TTC28: variants seen among roughly 807,000 people sequenced by gnomAD.
The protein encoded by TTC28 is tetratricopeptide repeat domain 28.
In TTC28, 61 loss-of-function variants were observed where a neutral mutation model predicts 198.0. The ratio of observed to expected loss-of-function variants is 0.31; its 90% confidence interval spans 0.25 to 0.38. The LOEUF is 0.38. Ranked by LOEUF, TTC28 falls within the 10% of genes least tolerant of loss-of-function variation. The probability of loss-of-function intolerance (pLI) is 1.00; values close to 1 mark genes in which losing one functional copy is unlikely to be tolerated. For synonymous variants in TTC28, 1,171 were observed against 1,297.8 expected (o/e 0.90, Z 2.10); for missense variants, 2,678 against 3,164.0 (o/e 0.85, Z 3.69).
intron 2 of TTC28, among the ~76,000 whole-genome samples, chr22:28,610,514 AAAAC>A (rs1430987911): frequency 5.3e-5 from 8 of 152,196 alleles, no homozygotes; most frequent in African/African-American, 1.2e-4. Context: ...TGTTAGAAGG[AAAAC>A]AAACAGAGAG....
intron 5 of TTC28, among the ~76,000 whole-genome samples, chr22:28,194,323 G>C (rs185476439): frequency 2.0e-5 from 3 of 152,156 alleles, no homozygotes; most frequent in Admixed American, 1.3e-4. Context: ...GCCCACAAGA[G>C]AAAGCAGGAA....
At chr22:28,636,127 A>ATTTTTTTTTT (rs71316851) in intron 1 of TTC28, among the ~76,000 whole-genome samples, 2 of 65,722 alleles carry the variant, frequency 3.0e-5, no homozygotes, top group Non-Finnish European at 5.1e-5. Flanking sequence ...AAATGTCAGG[A>ATTTTTTTTTT]TTTTTTTTTT....
chr22:28,095,230 T>C (rs1347202076), intron 11 of TTC28, among the ~76,000 whole-genome samples: 1 of 152,012 alleles, frequency 6.6e-6, no homozygotes, highest in Non-Finnish European at 1.5e-5. Flanking sequence ...AGGTCAGCGG[T>C]AAGAACATTC....
At chr22:28,331,575 C>T (rs2045617056) in intron 2 of TTC28, among the ~76,000 whole-genome samples, 1 of 152,002 alleles carries the variant, frequency 6.6e-6, no homozygotes, top group Non-Finnish European at 1.5e-5. Flanking sequence ...ATAATCTATC[C>T]ATCAATAAAT....
chr22:28,529,492 T>G (rs948373147), intron 2 of TTC28, among the ~76,000 whole-genome samples: 5 of 152,200 alleles, frequency 3.3e-5, no homozygotes, highest in South Asian at 2.1e-4. Context: ...AGGGCATAGC[T>G]GAACAAAAGG....
intron 1 of TTC28, among the ~76,000 whole-genome samples, chr22:28,663,109 G>C (rs1006335954): frequency 6.6e-6 from 1 of 151,926 alleles, no homozygotes; most frequent in Non-Finnish European, 1.5e-5. Flanking sequence ...TTAGCCAGGC[G>C]TGGTGGCGAA....
At chr22:28,038,138 T>A (rs986924803) in intron 12 of TTC28, among the ~76,000 whole-genome samples, 2 of 152,198 alleles carry the variant, frequency 1.3e-5, no homozygotes, top group African/African-American at 4.8e-5. Context: ...AAGCTACCAA[T>A]GACTTTCTTC....
At chr22:28,411,176 C>T (rs2047075647) in intron 2 of TTC28, among the ~76,000 whole-genome samples, 1 of 152,156 alleles carries the variant, frequency 6.6e-6, no homozygotes, top group Non-Finnish European at 1.5e-5. Flanking sequence ...AGAACGAATT[C>T]TTCTAATAGG....
At chr22:28,011,455 G>A (rs762529138) in intron 14 of TTC28, among the ~76,000 whole-genome samples, 1 of 152,132 alleles carries the variant, frequency 6.6e-6, no homozygotes, top group Non-Finnish European at 1.5e-5. Flanking sequence ...AATTAGCTGG[G>A]TGTGGTGGTG....
chr22:28,639,936 C>T (rs1176453559), intron 1 of TTC28, among the ~76,000 whole-genome samples: 1 of 152,046 alleles, frequency 6.6e-6, no homozygotes, highest in Admixed American at 6.6e-5. Flanking sequence ...AAATTAAGAA[C>T]TGTGTGAATG....
chr22:28,527,936 G>A (rs12159502), intron 2 of TTC28, among the ~76,000 whole-genome samples: 6,000 of 152,180 alleles, frequency 0.039, 150 homozygotes, highest in African/African-American at 0.058. Flanking sequence ...CATAGCAGGA[G>A]GCATCATACA....
chr22:28,674,319 T>C (rs2051942593), intron 1 of TTC28, among the ~76,000 whole-genome samples: 2 of 150,440 alleles, frequency 1.3e-5, no homozygotes, highest in Non-Finnish European at 3.0e-5. Context: ...TTTTTCTTGG[T>C]TTTTGATTGG....
intron 22 of TTC28, among the ~76,000 whole-genome samples, chr22:27,984,326 G>T (rs117341031): frequency 6.6e-6 from 1 of 151,990 alleles, no homozygotes; most frequent in Non-Finnish European, 1.5e-5. Context: ...TCTCAACTTA[G>T]TCCATTCAGG....
chr22:27,983,066 T>G lies in TTC28; in HGVS notation c.6601A>C (p.Ser2201Arg). ...GACGCTCTGAAGACAGCAGTGCTGC[T>G]GGGCGCCTGAACGCCGTCTTCAGGG... The part of the protein sequence containing the change: ...NNPEDGVQAP[S>R]STAVFRASET... The change falls in exon 23 of 23, where the codon AGC (serine) becomes CGC (arginine). Residue 2201 changes from serine (S) to arginine (R), a missense_variant. By Grantham distance (110) the Ser-to-Arg change is moderately radical (BLOSUM62 -1). Coordinates refer to ENST00000397906, the MANE Select transcript of TTC28 (RefSeq NM_001145418.2). 6.4e-7 allele frequency: 1 copy of G among 1,551,772 alleles called. No individual in the cohort carries two copies. The highest frequency in any genetic ancestry group is 8.7e-7 in the Non-Finnish European group (1 of 1,147,012).
At chr22:28,513,625 T>C (rs2048727734) in intron 2 of TTC28, among the ~76,000 whole-genome samples, 1 of 152,106 alleles carries the variant, frequency 6.6e-6, no homozygotes, top group Non-Finnish European at 1.5e-5. Flanking sequence ...GTTTGTTTAA[T>C]TAAAAAATTC....
Position 27,996,127 on chromosome 22 carries a change from C to T in TTC28, c.5244+8G>A, listed in dbSNP as rs1271577768. ...TCTCGTTGAGTGCAGGGTGCCCGACCCCCTTACCAGGTGCAGCAGCACTCG... is the reference window on the plus strand; with the variant it reads ...TCTCGTTGAGTGCAGGGTGCCCGACTCCCTTACCAGGTGCAGCAGCACTCG... On this transcript the variant is annotated splice_region_variant and intron_variant, in intron 17 of 22. Coordinates refer to ENST00000397906, the MANE Select transcript of TTC28 (RefSeq NM_001145418.2). 6.5e-7 allele frequency: 1 copy of T among 1,547,196 alleles called. No individual in the cohort carries two copies. The highest frequency in any genetic ancestry group is 8.7e-7 in the Non-Finnish European group (1 of 1,146,460).
intron 2 of TTC28, among the ~76,000 whole-genome samples, chr22:28,377,041 A>T (rs1024401041): frequency 6.6e-6 from 1 of 152,102 alleles, no homozygotes; most frequent in Non-Finnish European, 1.5e-5. Context: ...CATAGGACGT[A>T]ACAGATTCTA....
chr22:28,134,629 G>A (rs1030337386), intron 6 of TTC28, among the ~76,000 whole-genome samples: 19 of 152,270 alleles, frequency 1.2e-4, no homozygotes, highest in East Asian at 5.8e-4. Flanking sequence ...GAAATGAAGC[G>A]AGAAGAGAAG....
intron 2 of TTC28, among the ~76,000 whole-genome samples, chr22:28,392,394 T>C (rs1375972196): frequency 6.6e-6 from 1 of 152,196 alleles, no homozygotes; most frequent in Non-Finnish European, 1.5e-5. Flanking sequence ...TGGGCTGCTT[T>C]GTTTACCTAA....
Sources: allele counts gnomAD v4.1 joint callset (sites outside exome capture counted in the v4.1 genomes callset), GRCh38; gene constraint gnomAD v4.1.1; transcripts MANE v1.5; gene names NCBI Gene and HGNC (gene_info 2026-07-23, HGNC 2026-07-21).